Variants in SAMSN1 observed in about 807,000 individuals in gnomAD.
SAMSN1 encodes SAM domain, SH3 domain and nuclear localization signals 1, also known as SAM domain-containing protein SAMSN-1.
In SAMSN1, 31 loss-of-function variants were observed where a neutral mutation model predicts 42.0. The ratio of observed to expected loss-of-function variants is 0.74; its 90% CI spans 0.55 to 1.00. The LOEUF (loss-of-function observed/expected upper bound fraction) is 1.00, where lower values mean the gene tolerates loss of function less well. SAMSN1 is among the 50% of genes least tolerant of loss of function. SAMSN1 has a pLI of 0.00. For synonymous variants in SAMSN1, 178 were observed against 151.9 expected (o/e 1.17, Z -1.26); for missense variants, 464 against 439.4 (o/e 1.06, Z -0.50).
chr21:14,593,828 T>C, intron 7 of SAMSN1: 1 of 392,510 alleles, frequency 2.5e-6, no homozygotes, highest in Non-Finnish European at 4.6e-6. Context: ...TTTATGTTCC[T>C]TTTAGTTCAG....
At chr21:14,617,844 C>A (rs761276573) in intron 2 of SAMSN1, among the ~76,000 whole-genome samples, 1 of 152,150 alleles carries the variant, frequency 6.6e-6, no homozygotes, top group Non-Finnish European at 1.5e-5. Flanking sequence ...TATATGCAAT[C>A]GAGCAAGAGA....
At chr21:14,552,999 A>G (rs2123181475) in intron 2 of SAMSN1, among the ~76,000 whole-genome samples, 1 of 152,138 alleles carries the variant, frequency 6.6e-6, no homozygotes, top group Admixed American at 6.6e-5. Context: ...ATCCTTCTCT[A>G]TTCCTAGACT....
chr21:14,619,284 G>T lies in SAMSN1; in HGVS notation c.157-3268C>A, dbSNP rs1982939030. ...AAGTCAAAAGGAAAAATGTAAATAT[G>T]TCAGGAGTTGTTGTTGCCTAGCTAA... is the stretch of plus-strand genomic sequence containing the variant. On this transcript the variant is annotated intron_variant, in intron 2 of 15. Coordinates refer to the SAMSN1 transcript ENST00000647101. 5.3e-5 allele frequency among the ~76,000 whole-genome samples: 8 copies of T among 152,310 alleles called. No homozygotes were observed. The East Asian group carries it at 1.3e-3, about 26-fold the overall frequency.
intron 1 of SAMSN1, among the ~76,000 whole-genome samples, chr21:14,536,321 C>T (rs2822756): frequency 0.23 from 35,119 of 152,068 alleles, 4,570 homozygotes; most frequent in Admixed American, 0.39. Flanking sequence ...AAGTGTGTGA[C>T]TAAATTGATT....
At chr21:14,508,427 C>G (rs58995566) in intron 5 of SAMSN1, among the ~76,000 whole-genome samples, 2 of 151,952 alleles carry the variant, frequency 1.3e-5, no homozygotes, top group African/African-American at 4.8e-5. Flanking sequence ...AAAGAAGATA[C>G]ACAAATGGCC....
At chr21:14,597,737 A>G (rs889668292) in intron 6 of SAMSN1, among the ~76,000 whole-genome samples, 1 of 152,146 alleles carries the variant, frequency 6.6e-6, no homozygotes, top group Admixed American at 6.5e-5. Flanking sequence ...GCCGCTTCTC[A>G]AGGATGTCCT....
chr21:14,569,992 C>T (rs541484154), intron 2 of SAMSN1, among the ~76,000 whole-genome samples: 4 of 151,916 alleles, frequency 2.6e-5, no homozygotes, highest in Non-Finnish European at 5.9e-5. Context: ...TTTCCCCCCC[C>T]CCAGTTTTTC....
At chr21:14,648,494 G>A (rs1983764172) in intron 1 of SAMSN1, among the ~76,000 whole-genome samples, 1 of 152,106 alleles carries the variant, frequency 6.6e-6, no homozygotes, top group Non-Finnish European at 1.5e-5. Flanking sequence ...CCTAAAAAAT[G>A]GGAGAAAATT....
chr21:14,560,325 G>A (rs115937166), intron 2 of SAMSN1, among the ~76,000 whole-genome samples: 1 of 152,152 alleles, frequency 6.6e-6, no homozygotes, highest in Non-Finnish European at 1.5e-5. Flanking sequence ...ATCTTTGCAA[G>A]ATTATGGCAG....
chr21:14,498,601 CA>C lies in SAMSN1; in HGVS notation c.769-10del. Reference sequence around the variant, plus strand: ...AGTGTTGAGGTGTATTCCTGTAAGACAAAAAATATAAAGCAAATTAGTCAGA... The same window carrying C: ...AGTGTTGAGGTGTATTCCTGTAAGACAAAAATATAAAGCAAATTAGTCAGA... On this transcript the variant is annotated splice_polypyrimidine_tract_variant and intron_variant, in intron 6 of 7. Transcript: ENST00000400566. 3.2e-6 allele frequency: 5 copies of C among 1,546,234 alleles called. No homozygotes were observed. The highest frequency in any genetic ancestry group is 2.6e-6 in the Non-Finnish European group (3 of 1,155,488).
At chr21:14,615,934 G>T in intron 3 of SAMSN1, 1 of 456,662 alleles carries the variant, frequency 2.2e-6, no homozygotes, top group South Asian at 3.4e-5. Context: ...CAACATTACA[G>T]AACTAAGGGA....
intron 2 of SAMSN1, among the ~76,000 whole-genome samples, chr21:14,642,449 G>A (rs542807591): frequency 6.6e-6 from 1 of 152,212 alleles, no homozygotes; most frequent in African/African-American, 2.4e-5. Context: ...AAAGCAGCCA[G>A]TGATGTGTCA....
At chr21:14,506,299 T>C (rs1382872220) in intron 5 of SAMSN1, among the ~76,000 whole-genome samples, 1 of 152,052 alleles carries the variant, frequency 6.6e-6, no homozygotes, top group Non-Finnish European at 1.5e-5. Flanking sequence ...TTTGAAAAGA[T>C]GAATAAAATT....
At chr21:14,487,823 T>G (rs776751755) in intron 7 of SAMSN1, among the ~76,000 whole-genome samples, 2 of 152,130 alleles carry the variant, frequency 1.3e-5, no homozygotes, top group South Asian at 2.1e-4. Flanking sequence ...TTATAACTAG[T>G]TCTAGATATA....
chr21:14,623,303 C>T (rs1296035719), intron 2 of SAMSN1, among the ~76,000 whole-genome samples: 2 of 152,066 alleles, frequency 1.3e-5, no homozygotes, highest in Non-Finnish European at 2.9e-5. Context: ...TTAAATGCTC[C>T]AATTAAAAGA....
chr21:14,518,429 A>G (rs1336348373), intron 2 of SAMSN1, among the ~76,000 whole-genome samples: 2 of 144,706 alleles, frequency 1.4e-5, no homozygotes, highest in African/African-American at 5.3e-5. Context: ...GAAACTTCTC[A>G]TGTAGAACGT....
intron 3 of SAMSN1, among the ~76,000 whole-genome samples, chr21:14,514,814 C>G (rs1409913266): frequency 6.6e-6 from 1 of 151,994 alleles, no homozygotes; most frequent in East Asian, 1.9e-4. Flanking sequence ...TGGATGTCTA[C>G]TGGACATCTA....
intron 2 of SAMSN1, among the ~76,000 whole-genome samples, chr21:14,629,278 TATTA>T (rs1983261487): frequency 2.6e-5 from 4 of 152,198 alleles, no homozygotes; most frequent in Admixed American, 2.6e-4. Context: ...GTTTTAAAGG[TATTA>T]ATTATTTTGT....
chr21:14,615,451 C>T (rs1303335804), intron 3 of SAMSN1, among the ~76,000 whole-genome samples: 1 of 152,122 alleles, frequency 6.6e-6, no homozygotes, highest in African/African-American at 2.4e-5. Flanking sequence ...TCTGTATCCT[C>T]GGCAACCAAT....
Sources: gnomAD v4.1 joint callset for allele counts (sites outside exome capture counted in the v4.1 genomes callset) on GRCh38, gnomAD v4.1.1 for gene constraint, MANE v1.5 for transcripts, NCBI Gene and HGNC (gene_info 2026-07-23, HGNC 2026-07-21) for gene names.